Variants in CA10 observed in about 807,000 individuals in gnomAD.
CA10 encodes the protein carbonic anhydrase 10 (inactive), also known as carbonic anhydrase-related protein 10.
Under a neutral mutation model 44.2 loss-of-function variants are expected in CA10, and 14 were observed. The observed-to-expected ratio is 0.32, with a 90% CI of 0.21 to 0.50. The LOEUF is 0.50. Among genes scored for constraint, CA10 ranks in the 20% least tolerant of loss-of-function variants. The probability of loss-of-function intolerance (pLI) is 0.99; values close to 1 mark genes in which losing one functional copy is unlikely to be tolerated. For missense variants in CA10, 350 were observed against 409.7 expected (o/e 0.85, Z 1.26); for synonymous variants, 159 against 141.6 (o/e 1.12, Z -0.87).
chr17:51,765,690 C>CGTGT (rs1567832322), intron 3 of CA10, among the ~76,000 whole-genome samples: 28 of 91,004 alleles, frequency 3.1e-4, no homozygotes, highest in South Asian at 2.3e-3. Flanking sequence ...CAGGCAGCTC[C>CGTGT]CTGTGTGTGT....
At chr17:52,157,529 A>AC (rs368350526) in intron 1 of CA10, among the ~76,000 whole-genome samples, 197 bp downstream of exon 1, 11,896 of 109,284 alleles carry the variant, frequency 0.11, 727 homozygotes, top group East Asian at 0.19. Flanking sequence ...GATCCTAACC[A>AC]CCCCCCCCCG....
chr17:52,047,011 C>T (rs766102121), intron 2 of CA10, among the ~76,000 whole-genome samples: 8 of 151,850 alleles, frequency 5.3e-5, no homozygotes, highest in Non-Finnish European at 8.8e-5. Context: ...TGTTCATACA[C>T]GGACTTTGCA....
chr17:52,020,940 T>C (rs1986119376), intron 2 of CA10, among the ~76,000 whole-genome samples: 2 of 152,056 alleles, frequency 1.3e-5, no homozygotes, highest in Non-Finnish European at 2.9e-5. Context: ...CTTAGTATAA[T>C]GGCCTCCAGC....
chr17:52,083,201 C>T lies in CA10; in HGVS notation c.62-10808G>A, dbSNP rs190674661. The stretch of plus-strand genomic sequence containing the variant: ...TCATGTCACATAAAACTTTCTATTA[C>T]AGCTGAAATCTCTGAATGAGACTAA... On this transcript the variant is annotated intron_variant, in intron 1 of 8. Transcript: ENST00000451037. 5.9e-5 allele frequency among the ~76,000 whole-genome samples: 9 copies of T among 152,234 alleles called. 1 individual carries two copies. Among genetic ancestry groups the T allele is most frequent in the African/African-American group, 2.2e-4 (9 of 41,496 alleles).
intron 2 of CA10, among the ~76,000 whole-genome samples, chr17:52,055,099 T>C (rs1285058681): frequency 1.3e-5 from 2 of 152,068 alleles, no homozygotes; most frequent in African/African-American, 2.4e-5. Context: ...ATAAAGATGA[T>C]ATCCTAAAAA....
chr17:52,054,797 A>T (rs1223922150), intron 2 of CA10, among the ~76,000 whole-genome samples: 3 of 152,104 alleles, frequency 2.0e-5, no homozygotes, highest in African/African-American at 7.2e-5. Context: ...ATAAATGGAA[A>T]GAAAAAAAGG....
chr17:52,070,057 A>T (rs556746737), intron 2 of CA10, among the ~76,000 whole-genome samples: 10 of 152,328 alleles, frequency 6.6e-5, no homozygotes, highest in African/African-American at 2.4e-4. Context: ...TTAGAGCCCC[A>T]GGTTCAGTTG....
At chr17:51,981,812 C>A (rs951390910) in intron 2 of CA10, among the ~76,000 whole-genome samples, 2 of 152,000 alleles carry the variant, frequency 1.3e-5, no homozygotes, top group Non-Finnish European at 2.9e-5. Flanking sequence ...CAGATTTTGA[C>A]AGTACTGAAA....
intron 2 of CA10, among the ~76,000 whole-genome samples, chr17:52,033,036 G>A (rs570851833): frequency 1.3e-5 from 2 of 152,294 alleles, no homozygotes; most frequent in Admixed American, 1.3e-4. Flanking sequence ...TAAGTGGTTG[G>A]CAATGACTCC....
At chr17:51,724,949 C>T (rs776526095) in intron 4 of CA10, among the ~76,000 whole-genome samples, 2 of 152,210 alleles carry the variant, frequency 1.3e-5, no homozygotes, top group Non-Finnish European at 2.9e-5. Flanking sequence ...TGAGTGCCTA[C>T]AAGGAGCCAG....
intron 1 of CA10, among the ~76,000 whole-genome samples, chr17:52,115,991 C>G (rs1024517642): frequency 1.3e-5 from 2 of 151,906 alleles, no homozygotes; most frequent in Admixed American, 1.3e-4. Context: ...GCTTGGGAGG[C>G]TGAGTCAGGA....
rs574454868 is a variant in CA10, at chr17:52,055,615, C to T, written c.136+16704G>A. Among the ~76,000 whole-genome samples the T allele has an allele frequency of 2.4e-4, 36 of 152,022 alleles. 1 individual carries two copies. The South Asian group carries it at 6.2e-3, about 26-fold the overall frequency. On this transcript the variant is annotated intron_variant, in intron 2 of 8. Transcript: ENST00000451037. ...TCAAGACTGTAAATGTATTGTGAAA[C>T]TGATATATTATTGTGTGATATATTA...
At chr17:52,030,709 A>G (rs1410618258) in intron 2 of CA10, among the ~76,000 whole-genome samples, 7 of 152,190 alleles carry the variant, frequency 4.6e-5, no homozygotes, top group African/African-American at 1.7e-4. Flanking sequence ...GGCACCATTC[A>G]TTCTTCCAAG....
intron 2 of CA10, among the ~76,000 whole-genome samples, chr17:52,056,762 G>A (rs1446974184): frequency 6.6e-6 from 1 of 151,820 alleles, no homozygotes; most frequent in Non-Finnish European, 1.5e-5. Flanking sequence ...ACCACCCAGT[G>A]AGCACTACTT....
intron 2 of CA10, among the ~76,000 whole-genome samples, chr17:51,976,953 A>G (rs1984485164): frequency 6.6e-6 from 1 of 151,990 alleles, no homozygotes; most frequent in South Asian, 2.1e-4. Flanking sequence ...TAGTTTTACA[A>G]TATAGATTAA....
intron 3 of CA10, 92 bp downstream of exon 3, chr17:51,930,898 C>T: frequency 6.9e-7 from 1 of 1,456,632 alleles, no homozygotes; most frequent in East Asian, 2.3e-5. Context: ...GGAGGACAAA[C>T]TCATCACAGA....
intron 2 of CA10, among the ~76,000 whole-genome samples, chr17:51,931,747 T>C (rs746863500): frequency 1.9e-4 from 29 of 152,146 alleles, no homozygotes; most frequent in Non-Finnish European, 3.5e-4. Flanking sequence ...GGTGTTCATT[T>C]GATAGGCAGA....
intron 3 of CA10, among the ~76,000 whole-genome samples, chr17:51,749,264 G>T (rs1375252022): frequency 6.6e-6 from 1 of 152,186 alleles, no homozygotes; most frequent in Admixed American, 6.5e-5. Context: ...ATTTCTCTAC[G>T]TCGAGTCTGG....
At chr17:52,142,687 C>T (rs1989508161) in intron 1 of CA10, among the ~76,000 whole-genome samples, 1 of 152,128 alleles carries the variant, frequency 6.6e-6, no homozygotes, top group African/African-American at 2.4e-5. Flanking sequence ...GCCTACAACC[C>T]CTGCAGGCAG....
Sources: gnomAD v4.1 joint callset for allele counts (sites outside exome capture counted in the v4.1 genomes callset) on GRCh38, gnomAD v4.1.1 for gene constraint, MANE v1.5 for transcripts, NCBI Gene and HGNC (gene_info 2026-07-23, HGNC 2026-07-21) for gene names.